STAMBP: variants seen among roughly 807,000 people sequenced by gnomAD.
STAMBP encodes STAM binding protein.
Under a neutral mutation model 50.7 loss-of-function variants are expected in STAMBP, and 31 were observed. That is an observed-to-expected ratio of 0.61 (90% CI 0.46 to 0.83). The LOEUF (loss-of-function observed/expected upper bound fraction) is 0.83. STAMBP is among the 40% of genes least tolerant of loss of function. STAMBP has a pLI of 0.00. For synonymous variants in STAMBP, 211 were observed against 192.4 expected (o/e 1.10, Z -0.80); for missense variants, 472 against 518.9 (o/e 0.91, Z 0.88).
chr2:73,836,277 C>T (rs1043612487), intron 2 of STAMBP, among the ~76,000 whole-genome samples: 2 of 152,202 alleles, frequency 1.3e-5, no homozygotes, highest in African/African-American at 4.8e-5. Context: ...TCGGAACCTC[C>T]GAATGGGGGC....
rs967484995 is a variant in STAMBP at position 73,829,087 on chromosome 2, C to A, written c.-436C>A. On this transcript the variant is annotated 5_prime_UTR_variant, in exon 1 of 10. Coordinates refer to ENST00000394070, the MANE Select transcript of STAMBP (RefSeq NM_213622.4). The stretch of plus-strand genomic sequence containing the variant: ...TCGGCCGCCGTGAGTGTGGGGCCTG[C>A]AGCCTACTCTCCCCGAGTCCCCTGC... 1.3e-5 allele frequency: 2 copies of A among 152,270 alleles called. No homozygotes were observed. The highest frequency in any genetic ancestry group is 2.4e-5 in the African/African-American group (1 of 41,454). 9.4% of individuals were successfully genotyped at this position (152,270 alleles called of 1,614,324 possible).
chr2:73,843,141 A>G (rs1218565223), intron 2 of STAMBP, among the ~76,000 whole-genome samples: 1 of 150,490 alleles, frequency 6.6e-6, no homozygotes, highest in Non-Finnish European at 1.5e-5. Flanking sequence ...GAACAAATGA[A>G]TCTGTATTTC....
In STAMBP at chr2:73,850,489, C is replaced by G; in HGVS notation, c.981C>G (p.Gly327=). Residue 327 remains glycine (G), a synonymous_variant, in exon 7 of 10, where the codon GGC becomes GGG. Transcript: ENST00000394070. This position sits in a 1 kb window ranked among gnomAD's most constrained non-coding sequence, Gnocchi z 4.3. ...TTTTCCTCATACAGGATCAGCAGGGCCTCATCACACTGGGCTGGATTCATG... is the reference window on the plus strand; with the variant it reads ...TTTTCCTCATACAGGATCAGCAGGGGCTCATCACACTGGGCTGGATTCATG... The part of the protein sequence containing the change: ...EELFLIQDQQ[G]LITLGWIHTH... The G allele has an allele frequency of 1.2e-6, 2 of 1,613,420 alleles. No individual in the cohort carries two copies. The highest frequency in any genetic ancestry group is 1.7e-6 in the Non-Finnish European group (2 of 1,179,736).
chr2:73,868,078 C>G (rs1396268098), downstream of STAMBP, among the ~76,000 whole-genome samples: 3 of 149,956 alleles, frequency 2.0e-5, 1 homozygote, highest in South Asian at 4.2e-4. Flanking sequence ...GAGCCGAGAT[C>G]ACGCCATTGC....
intron 2 of STAMBP, among the ~76,000 whole-genome samples, chr2:73,833,404 AAATTAT>A (rs146208524): frequency 0.02 from 3,062 of 152,298 alleles, 100 homozygotes; most frequent in African/African-American, 0.067. Flanking sequence ...AGGTTTCATA[AAATTAT>A]AATTATATTT....
intron 2 of STAMBP, among the ~76,000 whole-genome samples, chr2:73,834,231 AAAAAAATATATATATATATATATAT>A (rs1674384802): frequency 6.2e-5 from 1 of 16,178 alleles, no homozygotes; most frequent in African/African-American, 2.4e-4. Flanking sequence ...AAAAAAAAAA[AAAAAAATATATATATATATATATAT>A]ATATATATAT....
rs1490016119 is a variant in STAMBP, at chr2:73,866,985, A to G, written c.*4726A>G. ...CTCTTCCCCATCACTCTATCTCATC[A>G]CTGTTACTGTCTGTGTAGCCCTGTC... On this transcript the variant is annotated 3_prime_UTR_variant, in exon 10 of 10. Transcript: ENST00000394070. 6.6e-6 allele frequency: 1 copy of G among 152,142 alleles called. No homozygotes were observed. Among genetic ancestry groups the G allele is most frequent in the Non-Finnish European group, 1.5e-5 (1 of 68,042 alleles). The allele number at this position is 152,142 out of a possible 1,614,324, so 9.4% of individuals were successfully genotyped here. A position where few individuals can be genotyped will look rare whatever the true frequency, so the allele number is the denominator to read the frequency against.
intron 2 of STAMBP, among the ~76,000 whole-genome samples, chr2:73,835,422 G>A (rs1159840018): frequency 3.3e-5 from 5 of 151,460 alleles, no homozygotes; most frequent in Non-Finnish European, 5.9e-5. Context: ...GGATGCAAGC[G>A]ATCCTCCCAT....
chr2:73,840,722 C>T (rs1181829829), intron 2 of STAMBP, among the ~76,000 whole-genome samples: 2 of 146,406 alleles, frequency 1.4e-5, no homozygotes, highest in Non-Finnish European at 3.0e-5. Flanking sequence ...CCAACCAGGG[C>T]GGCAGAGCAA....
intron 7 of STAMBP, among the ~76,000 whole-genome samples, chr2:73,852,890 G>T: frequency 7.9e-6 from 1 of 126,858 alleles, no homozygotes; most frequent in African/African-American, 3.3e-5. Context: ...TGTATTTTTA[G>T]TAGACTGGGT....
intron 10 of STAMBP, among the ~76,000 whole-genome samples, chr2:73,872,671 G>A (rs567158963): frequency 2.0e-5 from 3 of 152,306 alleles, no homozygotes; most frequent in Non-Finnish European, 2.9e-5. Flanking sequence ...AGAAATGAAT[G>A]TTCTCATTTT....
chr2:73,841,738 A>G (rs763520634), intron 2 of STAMBP, among the ~76,000 whole-genome samples: 11 of 152,210 alleles, frequency 7.2e-5, no homozygotes, highest in Non-Finnish European at 1.6e-4. Flanking sequence ...AAGGTCACAT[A>G]GCTAGTAAAT....
At chr2:73,834,053 AT>A (rs1674276752) in intron 2 of STAMBP, among the ~76,000 whole-genome samples, 1 of 151,138 alleles carries the variant, frequency 6.6e-6, no homozygotes, top group South Asian at 2.1e-4. Context: ...TCTACTAAAA[AT>A]ACAAAAATTA....
At chr2:73,855,122 T>C (rs1207648261) in intron 7 of STAMBP, among the ~76,000 whole-genome samples, 1 of 152,196 alleles carries the variant, frequency 6.6e-6, no homozygotes, top group African/African-American at 2.4e-5. Flanking sequence ...AGGTCAAAAG[T>C]ATGGTTATGG....
chr2:73,842,428 G>A (rs555051005), intron 2 of STAMBP, among the ~76,000 whole-genome samples: 49 of 152,354 alleles, frequency 3.2e-4, no homozygotes, highest in African/African-American at 1.1e-3. Context: ...ATCCTCTCCA[G>A]GGCTGGTTCC....
At chr2:73,848,997 G>C (rs1168062737) in intron 5 of STAMBP, among the ~76,000 whole-genome samples, 1 of 152,128 alleles carries the variant, frequency 6.6e-6, no homozygotes, top group Non-Finnish European at 1.5e-5. Context: ...GCACATCATG[G>C]AGAATAGGGT....
At chr2:73,834,226 AAAAAAAAAAAATATATATATATATAT>A (rs1432832310) in intron 2 of STAMBP, among the ~76,000 whole-genome samples, 8 of 23,866 alleles carry the variant, frequency 3.4e-4, no homozygotes, top group African/African-American at 1.1e-3. Context: ...AAAAAAAAAA[AAAAAAAAAAAATATATATATATATAT>A]ATATATATAT....
chr2:73,849,462 C>G lies in STAMBP; in HGVS notation c.842C>G (p.Thr281Arg), dbSNP rs201711262. 1 of 1,607,258 alleles carries G rather than the reference C, an allele frequency of 6.2e-7. No individual in the cohort carries two copies. The highest frequency in any genetic ancestry group is 2.2e-5 in the East Asian group (1 of 44,640). ...GCCAACACTGCCCGGGGAGTGGAGA[C>G]ATGTGGAATTCTCTGTGGAAAACTG... is the stretch of plus-strand genomic sequence containing the variant. ...ASANTARGVE[T>R]CGILCGKLMR... The change falls in exon 6 of 10, where the codon ACA becomes AGA. Residue 281 changes from threonine (T) to arginine (R), a missense_variant. By Grantham distance (71) the Thr-to-Arg change is moderately conservative (BLOSUM62 -1). Transcript: ENST00000394070.
chr2:73,848,666 A>C (rs1676429586), intron 5 of STAMBP, among the ~76,000 whole-genome samples: 1 of 152,242 alleles, frequency 6.6e-6, no homozygotes, highest in South Asian at 2.1e-4. Context: ...CCACGACAGA[A>C]GGGTGGAAGG....
Sources: gnomAD v4.1 joint callset for allele counts (sites outside exome capture counted in the v4.1 genomes callset) on GRCh38, gnomAD v4.1.1 for gene constraint, Gnocchi (gnomAD v3.1) non-coding constraint, MANE v1.5 for transcripts, NCBI Gene and HGNC (gene_info 2026-07-23, HGNC 2026-07-21) for gene names.